The following UBE2G1 variants were observed in gnomAD, a reference collection of about 807,000 sequenced individuals.
UBE2G1 encodes ubiquitin-conjugating enzyme E2 G1.
UBE2G1 carries 5 observed loss-of-function variants against 22.7 expected under a neutral mutation model. The observed-to-expected ratio is 0.22, with a 90% CI of 0.12 to 0.46. The LOEUF (loss-of-function observed/expected upper bound fraction) is 0.46, where lower values mean the gene tolerates loss of function less well. Among genes scored for constraint, UBE2G1 ranks in the 20% least tolerant of loss-of-function variants. The pLI, the probability that UBE2G1 is intolerant of heterozygous loss-of-function variation, is 0.99. For missense variants in UBE2G1, 88 were observed against 203.9 expected (o/e 0.43, Z 3.46); for synonymous variants, 74 against 67.5 (o/e 1.10, Z -0.47).
chr17:4,283,036 T>TAACTC (rs1968913241), intron 4 of UBE2G1, 115 bp from the exon 5 acceptor site: 1 of 867,976 alleles, frequency 1.2e-6, no homozygotes, highest in South Asian at 1.9e-5. Flanking sequence ...TTCAGAAACA[T>TAACTC]TATAGAGTTG....
intron 2 of UBE2G1, chr17:4,301,664 TG>T (rs1303090632): frequency 2.6e-6 from 2 of 762,610 alleles, no homozygotes; most frequent in African/African-American, 3.4e-5. Context: ...CTGGACAGGT[TG>T]TTTTGTTCTG....
At chr17:4,315,418 C>T (rs1463150186) in intron 1 of UBE2G1, among the ~76,000 whole-genome samples, 4 of 152,120 alleles carry the variant, frequency 2.6e-5, no homozygotes, top group African/African-American at 7.2e-5. Flanking sequence ...CCCAACTAGA[C>T]GTCATTTTGT....
intron 1 of UBE2G1, among the ~76,000 whole-genome samples, chr17:4,311,129 A>G (rs1457650108): frequency 6.6e-6 from 1 of 152,178 alleles, no homozygotes; most frequent in Admixed American, 6.5e-5. Flanking sequence ...GGGGAGGCTG[A>G]GGTGGGAAGA....
chr17:4,347,102 A>G (rs1344275708), intron 1 of UBE2G1, among the ~76,000 whole-genome samples: 3 of 152,028 alleles, frequency 2.0e-5, no homozygotes, highest in Non-Finnish European at 4.4e-5. Flanking sequence ...GCAGTGAGCC[A>G]AGATCATGCC....
intron 3 of UBE2G1, 70 bp downstream of exon 3, chr17:4,296,647 A>G (rs1969116392): frequency 7.1e-7 from 1 of 1,414,340 alleles, no homozygotes; most frequent in Admixed American, 1.7e-5. Context: ...GATCTTTCTT[A>G]TTGACCTTGA....
At chr17:4,352,137 G>A (rs550074689) in intron 1 of UBE2G1, among the ~76,000 whole-genome samples, 1 of 152,170 alleles carries the variant, frequency 6.6e-6, no homozygotes, top group African/African-American at 2.4e-5. Context: ...AAAATCAAAG[G>A]ATCATATGAC....
chr17:4,324,931 G>A (rs1236357166), intron 1 of UBE2G1, among the ~76,000 whole-genome samples: 2 of 151,938 alleles, frequency 1.3e-5, no homozygotes. Context: ...CAAAAAATTA[G>A]CCGGGCGTGG....
chr17:4,361,396 C>A (rs1366139575), intron 1 of UBE2G1, among the ~76,000 whole-genome samples: 1 of 151,620 alleles, frequency 6.6e-6, no homozygotes, highest in Non-Finnish European at 1.5e-5. Flanking sequence ...GCATGGTGGC[C>A]AGCACCTGTA....
intron 1 of UBE2G1, among the ~76,000 whole-genome samples, chr17:4,355,741 C>T: frequency 6.8e-6 from 1 of 147,028 alleles, no homozygotes. Flanking sequence ...TTTCTTGTTC[C>T]CCAGGCTGGA....
intron 1 of UBE2G1, among the ~76,000 whole-genome samples, chr17:4,355,102 A>G (rs1443737970): frequency 1.3e-5 from 2 of 151,954 alleles, no homozygotes; most frequent in East Asian, 3.9e-4. Flanking sequence ...AAAACAAAAC[A>G]AAGATTTGAT....
At chr17:4,315,696 C>T (rs1156801190) in intron 1 of UBE2G1, among the ~76,000 whole-genome samples, 18 of 149,512 alleles carry the variant, frequency 1.2e-4, no homozygotes, top group Admixed American at 1.1e-3. Context: ...GCCGAGATCG[C>T]GCCACTGCAC....
intron 3 of UBE2G1, among the ~76,000 whole-genome samples, chr17:4,295,584 G>A (rs943295166): frequency 6.6e-6 from 1 of 152,072 alleles, no homozygotes; most frequent in Non-Finnish European, 1.5e-5. Context: ...TTGATGATGC[G>A]AAGCCAAATG....
intron 1 of UBE2G1, among the ~76,000 whole-genome samples, chr17:4,311,148 G>C (rs1255696258): frequency 6.6e-6 from 1 of 152,100 alleles, no homozygotes; most frequent in Non-Finnish European, 1.5e-5. Flanking sequence ...GATGACTTGA[G>C]CCCAGGAGGC....
At chr17:4,353,462 T>TACACACACACAC (rs150917099) in intron 1 of UBE2G1, among the ~76,000 whole-genome samples, 79 of 148,196 alleles carry the variant, frequency 5.3e-4, no homozygotes, top group African/African-American at 2.0e-3. Flanking sequence ...TATATATATA[T>TACACACACACAC]ACACACACAC....
At chr17:4,343,450 G>T (rs953259852) in intron 1 of UBE2G1, among the ~76,000 whole-genome samples, 1 of 152,064 alleles carries the variant, frequency 6.6e-6, no homozygotes, top group Admixed American at 6.6e-5. Flanking sequence ...GTTGCAGTGA[G>T]CCAAAATCAT....
At chr17:4,360,699 A>T (rs1406975891) in intron 1 of UBE2G1, among the ~76,000 whole-genome samples, 2 of 150,886 alleles carry the variant, frequency 1.3e-5, no homozygotes, top group Non-Finnish European at 3.0e-5. Context: ...ATCGCCTAAG[A>T]CCGGGAGTTC....
intron 2 of UBE2G1, among the ~76,000 whole-genome samples, chr17:4,304,016 G>C (rs1199766530): frequency 1.3e-5 from 2 of 152,116 alleles, no homozygotes; most frequent in African/African-American, 4.8e-5. Context: ...AGGTTTCTTA[G>C]ACTTTCTGGT....
At chr17:4,302,123 C>T in intron 2 of UBE2G1, 1 of 525,908 alleles carries the variant, frequency 1.9e-6, no homozygotes, top group Non-Finnish European at 3.9e-6. Flanking sequence ...TCATCTGTGT[C>T]TGCTATTGTG....
chr17:4,295,600 T>C (rs894963082), intron 3 of UBE2G1, among the ~76,000 whole-genome samples: 1 of 152,208 alleles, frequency 6.6e-6, no homozygotes, highest in African/African-American at 2.4e-5. Context: ...AAATGCAAAT[T>C]AGTATAATAG....
Sources: allele counts gnomAD v4.1 joint callset (sites outside exome capture counted in the v4.1 genomes callset), GRCh38; gene constraint gnomAD v4.1.1; transcripts MANE v1.5; gene names NCBI Gene and HGNC (gene_info 2026-07-23, HGNC 2026-07-21).